Variants in DMD observed in about 807,000 individuals in gnomAD.
DMD encodes the protein dystrophin.
In DMD, 63 loss-of-function variants were observed where a neutral mutation model predicts 330.1. The observed-to-expected ratio is 0.19, with a 90% CI of 0.16 to 0.24. DMD has a LOEUF of 0.24. Among genes scored for constraint, DMD ranks in the 10% least tolerant of loss-of-function variants. DMD has a pLI of 1.00. For synonymous variants in DMD, 1,223 were observed against 959.8 expected, an observed-to-expected ratio of 1.27 and a Z score of -5.07; for missense variants, 3,344 against 2,684.1, an observed-to-expected ratio of 1.25 and a Z score of -5.43.
At chrX:32,541,880 T>C (rs1393421339) in intron 17 of DMD, among the ~76,000 whole-genome samples, 1 of 111,661 alleles carries the variant, frequency 9.0e-6, no homozygotes, top group African/African-American at 3.3e-5. Flanking sequence ...TTTTTCCATA[T>C]TTGCTACTTC....
chrX:32,836,107 G>C (rs1399570200), intron 4 of DMD, among the ~76,000 whole-genome samples: 2 of 109,465 alleles, frequency 1.8e-5, no homozygotes, highest in Admixed American at 9.8e-5. Context: ...TCACCTCTCA[G>C]TGCAACCTCC....
chrX:32,109,550 G>A (rs984462235), intron 44 of DMD, among the ~76,000 whole-genome samples: 6 of 109,127 alleles, frequency 5.5e-5, no homozygotes, highest in East Asian at 2.9e-4. Flanking sequence ...ATCTGAGTGC[G>A]GAAATTACCA....
intron 55 of DMD, among the ~76,000 whole-genome samples, chrX:31,512,638 T>C (rs1340983950): frequency 1.8e-5 from 2 of 110,468 alleles, no homozygotes; most frequent in Admixed American, 9.7e-5. Context: ...AAAGATCAGA[T>C]AGTTGTAGAT....
Position 32,302,870 on chromosome X carries a change from A to G in DMD, c.6117+7212T>C, listed in dbSNP as rs140806283. ...CACTGATTTAATTTCAACGTTAAAA[A>G]ACAGGCCTAAATATCTTATGTTACT... On this transcript the variant is annotated intron_variant, in intron 42 of 78. Transcript: ENST00000357033. Among the ~76,000 whole-genome samples, 423 of 111,187 alleles carry G rather than the reference A, an allele frequency of 3.8e-3. 1 individual carries two copies. Among genetic ancestry groups the G allele is most frequent in the African/African-American group, 0.013 (396 of 30,802 alleles).
chrX:31,204,692 T>G (rs7880305), intron 66 of DMD, among the ~76,000 whole-genome samples: 31,961 of 111,159 alleles, frequency 0.29, 3,697 homozygotes, highest in African/African-American at 0.42. Flanking sequence ...GTGCGATCTC[T>G]GCTCACCGCA....
intron 1 of DMD, among the ~76,000 whole-genome samples, chrX:33,193,688 G>T (rs2148803196): frequency 8.9e-6 from 1 of 112,167 alleles, no homozygotes; most frequent in South Asian, 3.7e-4. Flanking sequence ...TACCTGGCAG[G>T]CAGGATGAAT....
intron 44 of DMD, among the ~76,000 whole-genome samples, chrX:32,190,557 T>G (rs901270078): frequency 2.6e-5 from 2 of 77,976 alleles, no homozygotes; most frequent in East Asian, 3.4e-4. Flanking sequence ...ATTTTATATA[T>G]ATATATATAT....
chrX:32,482,953 G>A (rs941856760), intron 21 of DMD, among the ~76,000 whole-genome samples: 13 of 107,610 alleles, frequency 1.2e-4, no homozygotes, highest in Admixed American at 1.1e-3. Context: ...CAGTATGGAT[G>A]CCTAGGCACT....
chrX:32,769,014 C>T (rs1488750762), intron 7 of DMD, among the ~76,000 whole-genome samples: 1 of 111,540 alleles, frequency 9.0e-6, no homozygotes, highest in Non-Finnish European at 1.9e-5. Flanking sequence ...TGTGGCTTTT[C>T]TGTATTTGCT....
Position 31,590,154 on chromosome X carries a change from T to C in DMD, c.8217+37519A>G, listed in dbSNP as rs997637584. ...GTATTTCAAATACCACACATCTTAATTGTAAACTAAGTAAAAAAAAAAGAC... is the reference window on the plus strand; with the variant it reads ...GTATTTCAAATACCACACATCTTAACTGTAAACTAAGTAAAAAAAAAAGAC... On this transcript the variant is annotated intron_variant, in intron 55 of 78. Transcript: ENST00000357033. Among the ~76,000 whole-genome samples the C allele has an allele frequency of 4.5e-5, 5 of 110,933 alleles. No individual in the cohort carries two copies. The East Asian group carries it at 8.4e-4, about 19-fold the overall frequency.
intron 12 of DMD, 74 bp from the exon 13 acceptor site, chrX:32,595,950 T>C (rs2055471800): frequency 1.1e-6 from 1 of 942,509 alleles, no homozygotes; most frequent in Non-Finnish European, 1.5e-6. Flanking sequence ...TGCTCTCAAA[T>C]GGTGAAATTT....
At chrX:31,518,624 T>C (rs1412167665) in intron 55 of DMD, among the ~76,000 whole-genome samples, 1 of 109,152 alleles carries the variant, frequency 9.2e-6, no homozygotes, top group Admixed American at 9.9e-5. Context: ...TCTTTCCAAC[T>C]CTGAGACATA....
At chrX:32,937,410 G>A (rs2090095329) in intron 2 of DMD, among the ~76,000 whole-genome samples, 1 of 108,561 alleles carries the variant, frequency 9.2e-6, no homozygotes, top group Non-Finnish European at 1.9e-5. Flanking sequence ...CAGTCCCCAG[G>A]ACACAAAGCA....
chrX:32,220,148 C>A (rs1171090509), intron 43 of DMD, among the ~76,000 whole-genome samples: 2 of 111,284 alleles, frequency 1.8e-5, no homozygotes, highest in Non-Finnish European at 3.8e-5. Flanking sequence ...TGCCCGACCC[C>A]TGCTACTGTC....
At chrX:31,192,620 AT>A (rs2042486819) in intron 67 of DMD, among the ~76,000 whole-genome samples, 1 of 112,178 alleles carries the variant, frequency 8.9e-6, no homozygotes, top group Non-Finnish European at 1.9e-5. Context: ...CCTTTATAAC[AT>A]TTAGCATAGA....
intron 44 of DMD, among the ~76,000 whole-genome samples, chrX:31,992,477 A>G (rs763337641): frequency 1.9e-4 from 21 of 111,544 alleles, no homozygotes; most frequent in Non-Finnish European, 3.8e-4. Context: ...GTTATCCCTC[A>G]TCATTGGCTC....
intron 2 of DMD, among the ~76,000 whole-genome samples, chrX:32,881,546 G>A (rs2083943432): frequency 8.9e-6 from 1 of 112,019 alleles, no homozygotes; most frequent in East Asian, 2.8e-4. Context: ...ATATTCAATA[G>A]TAGGCAGCAA....
intron 41 of DMD, among the ~76,000 whole-genome samples, chrX:32,330,169 T>C (rs1215258954): frequency 5.3e-5 from 6 of 112,243 alleles, no homozygotes; most frequent in Non-Finnish European, 1.9e-5. Context: ...AGCAAAATTA[T>C]GTTATAACAT....
chrX:32,161,409 G>C (rs2096848930), intron 44 of DMD, among the ~76,000 whole-genome samples: 1 of 111,627 alleles, frequency 9.0e-6, no homozygotes, highest in South Asian at 3.7e-4. Flanking sequence ...ACCAAAGATT[G>C]AAATACTCCC....
Sources: allele counts gnomAD v4.1 joint callset (sites outside exome capture counted in the v4.1 genomes callset), GRCh38; gene constraint gnomAD v4.1.1; transcripts MANE v1.5; gene names NCBI Gene and HGNC (gene_info 2026-07-23, HGNC 2026-07-21).